The following ZGPAT variants were observed in gnomAD, a reference collection of about 807,000 sequenced individuals.
ZGPAT encodes zinc finger CCCH-type with G patch domain-containing protein.
In ZGPAT, 39 loss-of-function variants were observed where a neutral mutation model predicts 47.9. The observed-to-expected ratio is 0.81, with a 90% CI of 0.63 to 1.06. The LOEUF (loss-of-function observed/expected upper bound fraction) is 1.06. ZGPAT is among the 50% of genes least tolerant of loss of function. The pLI, the probability that ZGPAT is intolerant of heterozygous loss-of-function variation, is 0.00. For synonymous variants in ZGPAT, 348 were observed against 292.9 expected (o/e 1.19, Z -1.92); for missense variants, 717 against 681.4 (o/e 1.05, Z -0.58).
chr20:63,709,681 T>C (rs73139727), intron 2 of ZGPAT, among the ~76,000 whole-genome samples: 1 of 151,746 alleles, frequency 6.6e-6, no homozygotes, highest in Non-Finnish European at 1.5e-5. Flanking sequence ...TTTTGGTGGT[T>C]GTTTTAATTT....
At chr20:63,733,769 C>T in intron 4 of ZGPAT, 30 bp downstream of exon 4, 2 of 1,586,306 alleles carry the variant, frequency 1.3e-6, no homozygotes, top group Non-Finnish European at 1.7e-6. Context: ...GCCCAGGAGC[C>T]AGGAAGGTGG....
chr20:63,712,501 A>G (rs1219626087), intron 2 of ZGPAT, among the ~76,000 whole-genome samples: 16 of 152,238 alleles, frequency 1.1e-4, no homozygotes, highest in Non-Finnish European at 5.9e-5. Flanking sequence ...TATGAATTTT[A>G]GGATCGGCTT....
intron 2 of ZGPAT, among the ~76,000 whole-genome samples, chr20:63,727,669 CAAAAAAAAAAAAA>C (rs746126031): frequency 6.5e-5 from 3 of 45,894 alleles, no homozygotes; most frequent in Non-Finnish European, 9.2e-5. Context: ...GACTCGGTCT[CAAAAAAAAAAAAA>C]AAAAAAAAGG....
intron 4 of ZGPAT, 68 bp from the exon 5 acceptor site, chr20:63,734,637 T>C (rs1323978056): frequency 6.3e-7 from 1 of 1,593,228 alleles, no homozygotes; most frequent in Non-Finnish European, 8.6e-7. Flanking sequence ...TCTGTCCATC[T>C]CTTGCAGTGG....
At chr20:63,733,819 C>T in intron 4 of ZGPAT, 80 bp downstream of exon 4, 5 of 1,530,184 alleles carry the variant, frequency 3.3e-6, no homozygotes, top group South Asian at 1.3e-5. Flanking sequence ...GGGCACCAAC[C>T]ATCTAACCAA....
intron 2 of ZGPAT, among the ~76,000 whole-genome samples, chr20:63,714,078 C>A (rs993155732): frequency 1.3e-5 from 2 of 151,844 alleles, no homozygotes; most frequent in Non-Finnish European, 2.9e-5. Flanking sequence ...GCATTTATTT[C>A]TTTTTCTTGC....
rs867499767 is a variant in ZGPAT at position 63,708,281 on chromosome 20, G to A, written c.-29+163G>A. On this transcript the variant is annotated intron_variant, in intron 1 of 6. Transcript: ENST00000355969. The stretch of plus-strand genomic sequence containing the variant: ...GGCCTGGAAGGCGGCGGGCGCGGCG[G>A]GTGGGCTCGGCGGAGGGTGAGGCGG... 2.9e-4 allele frequency: 56 copies of A among 193,018 alleles called. No homozygotes were observed. The Middle Eastern group carries it at 7.1e-3, about 25-fold the overall frequency. 12.0% of individuals were successfully genotyped at this position (193,018 alleles called of 1,614,324 possible). A position where few individuals can be genotyped will look rare whatever the true frequency, so the allele number is the denominator to read the frequency against.
At chr20:63,719,635 A>T (rs1056779272) in intron 2 of ZGPAT, among the ~76,000 whole-genome samples, 2 of 151,766 alleles carry the variant, frequency 1.3e-5, no homozygotes, top group Non-Finnish European at 2.9e-5. Flanking sequence ...TGTAGTAATT[A>T]TCACTTTACT....
chr20:63,727,245 T>C (rs1389192962), intron 2 of ZGPAT, among the ~76,000 whole-genome samples: 3 of 151,000 alleles, frequency 2.0e-5, no homozygotes, highest in Non-Finnish European at 3.0e-5. Flanking sequence ...TTTTTCTTTT[T>C]TTCTTTTTTT....
At chr20:63,714,456 A>G (rs2091705360) in intron 2 of ZGPAT, among the ~76,000 whole-genome samples, 1 of 151,214 alleles carries the variant, frequency 6.6e-6, no homozygotes, top group South Asian at 2.1e-4. Flanking sequence ...AGTGGCTAGA[A>G]CAAACATCTT....
At position 63,734,687 on chromosome 20, in the gene ZGPAT, T is replaced by A; in HGVS notation, c.872-18T>A. On this transcript the variant is annotated intron_variant, in intron 4 of 6. Coordinates refer to ENST00000355969, the MANE Select transcript of ZGPAT (RefSeq NM_181485.3). ...GTGGACTCTGCACAGTCCTCTGCCC[T>A]CTGTCCGTCTCTTGCAGTGGTGGGG... 1 of 1,612,984 alleles carries A rather than the reference T, an allele frequency of 6.2e-7. No individual in the cohort carries two copies. The highest frequency in any genetic ancestry group is 1.1e-5 in the South Asian group (1 of 90,920).
Position 63,708,125 on chromosome 20 carries a change from CCGGCGGGCT to C in ZGPAT, c.-29+9_-29+17del, listed in dbSNP as rs1157539729. 2 of 152,192 alleles carry C rather than the reference CCGGCGGGCT, an allele frequency of 1.3e-5. No individual in the cohort carries two copies. Among genetic ancestry groups the C allele is most frequent in the African/African-American group, 2.4e-5 (1 of 41,446 alleles). 9.4% of individuals were successfully genotyped at this position (152,192 alleles called of 1,614,324 possible). A position where few individuals can be genotyped will look rare whatever the true frequency, so the allele number is the denominator to read the frequency against. ...CGCCGGGCCGCTCTAGCCGGTGAGG[CCGGCGGGCT>C]CTCTGTGGCTGCGGCTGGGAAACCG... On this transcript the variant is annotated splice_region_variant and intron_variant, in intron 1 of 6. Transcript: ENST00000355969.
intron 2 of ZGPAT, among the ~76,000 whole-genome samples, chr20:63,722,643 T>G (rs188689248): frequency 6.9e-6 from 1 of 144,468 alleles, no homozygotes; most frequent in African/African-American, 2.6e-5. Context: ...AAGTACAGCA[T>G]TTTTTTTTTT....
intron 2 of ZGPAT, among the ~76,000 whole-genome samples, chr20:63,726,491 C>A (rs1268087971): frequency 7.0e-6 from 1 of 143,714 alleles, no homozygotes; most frequent in East Asian, 2.1e-4. Context: ...ATGAGCCCGG[C>A]CTTGAATTTT....
intron 2 of ZGPAT, among the ~76,000 whole-genome samples, 158 bp from the exon 3 acceptor site, chr20:63,733,035 CATGTGTGTGTGTATGTGTGCGTGTGT>C (rs2091937629): frequency 6.7e-6 from 1 of 150,164 alleles, no homozygotes; most frequent in African/African-American, 2.5e-5. Flanking sequence ...TGAGTGTGTG[CATGTGTGTGTGTATGTGTGCGTGTGT>C]ATGTGTGTGC....
intron 2 of ZGPAT, among the ~76,000 whole-genome samples, chr20:63,712,353 T>C (rs962485239): frequency 1.3e-5 from 2 of 152,374 alleles, no homozygotes; most frequent in South Asian, 4.1e-4. Context: ...TCCTGTTCCA[T>C]TGGTGTATAT....
Position 63,733,156 on chromosome 20 carries a change from C to G in ZGPAT, c.585-63C>G, listed in dbSNP as rs559964058. On this transcript the variant is annotated intron_variant, in intron 2 of 6. Transcript: ENST00000355969. ...GTGCCCAGGCGGATGGGTCAGTGCT[C>G]CTGGGTTGGTTTGCCCCTGGTGGCC... is the stretch of plus-strand genomic sequence containing the variant. 1,854 of 1,586,758 alleles carry G rather than the reference C, an allele frequency of 1.2e-3. 1 individual carries two copies. Among genetic ancestry groups the G allele is most frequent in the Non-Finnish European group, 1.5e-3 (1,741 of 1,162,570 alleles).
At chr20:63,707,916 C>CCGCTGACCCCG (rs1173912669), upstream of ZGPAT, 3 of 152,580 alleles carry the variant, frequency 2.0e-5, no homozygotes, top group African/African-American at 4.8e-5. Flanking sequence ...CCGCTGACCT[C>CCGCTGACCCCG]CGCTGACCCC....
At chr20:63,722,805 A>G (rs2091801989) in intron 2 of ZGPAT, among the ~76,000 whole-genome samples, 1 of 151,890 alleles carries the variant, frequency 6.6e-6, no homozygotes, top group Admixed American at 6.6e-5. Context: ...CTAATTTTGT[A>G]TTTTTAGTAG....
Sources: allele counts gnomAD v4.1 joint callset (sites outside exome capture counted in the v4.1 genomes callset), GRCh38; gene constraint gnomAD v4.1.1; transcripts MANE v1.5; gene names NCBI Gene and HGNC (gene_info 2026-07-23, HGNC 2026-07-21).